The following CUL5 variants were observed in gnomAD, a reference collection of about 807,000 sequenced individuals.
The protein encoded by CUL5 is cullin-5.
CUL5 carries 26 observed loss-of-function variants against 108.8 expected under a neutral mutation model. The observed-to-expected ratio is 0.24, with a 90% confidence interval of 0.18 to 0.33. CUL5 has a LOEUF of 0.33. Among genes scored for constraint, CUL5 ranks in the 10% least tolerant of loss-of-function variants. CUL5 has a pLI of 1.00. For missense variants in CUL5, 524 were observed against 909.2 expected, an observed-to-expected ratio of 0.58 and a Z score of 5.45; for synonymous variants, 334 against 298.0, an observed-to-expected ratio of 1.12 and a Z score of -1.25.
intron 1 of CUL5, among the ~76,000 whole-genome samples, chr11:108,010,295 A>C (rs1862030767): frequency 1.3e-5 from 2 of 152,250 alleles, no homozygotes; most frequent in African/African-American, 2.4e-5. Flanking sequence ...CAAAGGATGA[A>C]CCACTTCTTC....
intron 14 of CUL5, 63 bp downstream of exon 14, chr11:108,094,577 TAAATTAA>T (rs1864442244): frequency 9.5e-7 from 1 of 1,053,972 alleles, no homozygotes; most frequent in East Asian, 2.9e-5. Flanking sequence ...TGTTTTCCAG[TAAATTAA>T]AAATAAACCT....
At chr11:108,041,247 A>T (rs1332136830) in intron 2 of CUL5, among the ~76,000 whole-genome samples, 1 of 150,814 alleles carries the variant, frequency 6.6e-6, no homozygotes, top group Non-Finnish European at 1.5e-5. Flanking sequence ...AATCTCTTAT[A>T]TTAATAATCT....
At chr11:108,040,583 G>C (rs1862872804) in intron 2 of CUL5, among the ~76,000 whole-genome samples, 1 of 139,760 alleles carries the variant, frequency 7.2e-6, no homozygotes, top group Non-Finnish European at 1.5e-5. Context: ...CTGCACTCCA[G>C]CCTGGCTGAC....
chr11:108,016,716 T>C (rs1350720823), intron 1 of CUL5, among the ~76,000 whole-genome samples: 1 of 152,162 alleles, frequency 6.6e-6, no homozygotes, highest in African/African-American at 2.4e-5. Flanking sequence ...ATCCCAGTGA[T>C]TTGGGAGGCC....
chr11:108,094,316 T>A, intron 13 of CUL5, 75 bp from the exon 14 acceptor site: 1 of 1,096,496 alleles, frequency 9.1e-7, no homozygotes, highest in Non-Finnish European at 1.3e-6. Context: ...ACTTAGTTTT[T>A]CTATTAAAAT....
intron 13 of CUL5, among the ~76,000 whole-genome samples, chr11:108,091,838 TAGTGAAATGCA>T (rs1302317823): frequency 2.0e-5 from 3 of 151,668 alleles, no homozygotes; most frequent in South Asian, 4.2e-4. Context: ...CATTAGTCAT[TAGTGAAATGCA>T]AGTGAAATGC....
At chr11:108,079,550 A>C (rs895282498) in intron 11 of CUL5, among the ~76,000 whole-genome samples, 1 of 152,252 alleles carries the variant, frequency 6.6e-6, no homozygotes, top group Admixed American at 6.5e-5. Context: ...AGTAACCTTT[A>C]GTCCCTAAAC....
chr11:108,049,350 G>GT (rs1187448885), intron 3 of CUL5, among the ~76,000 whole-genome samples: 4 of 151,370 alleles, frequency 2.6e-5, no homozygotes, highest in South Asian at 2.1e-4. Flanking sequence ...CATTTGTTTA[G>GT]TTTTTTTTCA....
intron 18 of CUL5, among the ~76,000 whole-genome samples, chr11:108,099,165 C>CA (rs1864578894): frequency 6.6e-6 from 1 of 152,068 alleles, no homozygotes; most frequent in African/African-American, 2.4e-5. Flanking sequence ...CCACCACACT[C>CA]AGCTAATTTT....
intron 3 of CUL5, among the ~76,000 whole-genome samples, chr11:108,047,265 C>T (rs757277213): frequency 2.1e-4 from 32 of 151,988 alleles, no homozygotes; most frequent in African/African-American, 5.3e-4. Flanking sequence ...TGCCGTGAGC[C>T]GTGATCATGC....
chr11:108,054,589 T>C, intron 5 of CUL5, 58 bp from the exon 6 acceptor site: 2 of 1,193,952 alleles, frequency 1.7e-6, no homozygotes, highest in South Asian at 3.0e-5. Context: ...TCATTTATTA[T>C]ACTCAAAATA....
intron 10 of CUL5, among the ~76,000 whole-genome samples, chr11:108,077,876 G>T (rs1174280729): frequency 6.6e-6 from 1 of 152,062 alleles, no homozygotes; most frequent in African/African-American, 2.4e-5. Context: ...TTGAACCCAG[G>T]AGGCGGAGGT....
chr11:108,043,778 C>G (rs987025168), intron 2 of CUL5, among the ~76,000 whole-genome samples: 11 of 152,118 alleles, frequency 7.2e-5, no homozygotes. Context: ...GCCTGTAATC[C>G]AGCACTTTGG....
At chr11:108,075,516 T>G (rs1863920904) in intron 10 of CUL5, among the ~76,000 whole-genome samples, 1 of 152,260 alleles carries the variant, frequency 6.6e-6, no homozygotes, top group East Asian at 1.9e-4. Flanking sequence ...GGCTTGGAAT[T>G]GGAAAATAAA....
chr11:108,058,514 C>T (rs1386535008), intron 7 of CUL5, among the ~76,000 whole-genome samples: 2 of 151,482 alleles, frequency 1.3e-5, no homozygotes, highest in Non-Finnish European at 2.9e-5. Flanking sequence ...TCCCAAAGTG[C>T]TGGGATTACA....
chr11:108,072,481 G>T lies in CUL5; in HGVS notation c.1005+19G>T. ...TACTACTGTAAGTTTTTTTTCAATG[G>T]CAATGATAGATATATATCAAGGCTA... On this transcript the variant is annotated intron_variant, in intron 9 of 18. Transcript: ENST00000393094. 1 of 1,588,010 alleles carries T rather than the reference G, an allele frequency of 6.3e-7. No individual in the cohort carries two copies. Among genetic ancestry groups the T allele is most frequent in the Admixed American group, 1.8e-5 (1 of 56,358 alleles).
chr11:108,088,531 G>A lies in CUL5; in HGVS notation c.1183G>A (p.Gly395Arg). 1 of 1,583,670 alleles carries A rather than the reference G, an allele frequency of 6.3e-7. No homozygotes were observed. The highest frequency in any genetic ancestry group is 1.4e-5 in the African/African-American group (1 of 72,954). ...LELPLKQKGV[G>R]LKTQPESKCP... The stretch of plus-strand genomic sequence containing the variant: ...TGCTTTTAATTTGTTTTTTAGGGTG[G>A]GATTAAAAACTCAGCCTGAATCAAA... The change falls in exon 12 of 19, where the codon GGA (glycine) becomes AGA (arginine). Residue 395 changes from glycine to arginine, a missense_variant. Physicochemically the swap from Gly to Arg is moderately radical, Grantham distance 125. Coordinates refer to ENST00000393094, the MANE Select transcript of CUL5 (RefSeq NM_003478.6).
chr11:108,028,778 C>T (rs781644664), intron 1 of CUL5, among the ~76,000 whole-genome samples: 9 of 151,962 alleles, frequency 5.9e-5, no homozygotes, highest in African/African-American at 1.9e-4. Flanking sequence ...GAGCCGAGAT[C>T]GCCCCATTGT....
At chr11:108,046,010 G>A (rs755176963) in intron 2 of CUL5, among the ~76,000 whole-genome samples, 1 of 152,182 alleles carries the variant, frequency 6.6e-6, no homozygotes, top group Non-Finnish European at 1.5e-5. Flanking sequence ...ATTGGGAGAT[G>A]GAGACATGCT....
Sources: allele counts gnomAD v4.1 joint callset (sites outside exome capture counted in the v4.1 genomes callset), GRCh38; gene constraint gnomAD v4.1.1; transcripts MANE v1.5; gene names NCBI Gene and HGNC (gene_info 2026-07-23, HGNC 2026-07-21).